The following HIVEP3 variants were observed in gnomAD, a reference collection of about 807,000 sequenced individuals.
HIVEP3 encodes HIVEP zinc finger 3.
Under a neutral mutation model 152.8 loss-of-function variants are expected in HIVEP3, and 49 were observed. The ratio of observed to expected loss-of-function variants is 0.32; its 90% confidence interval spans 0.26 to 0.41. The LOEUF (loss-of-function observed/expected upper bound fraction) is 0.41, where lower values mean the gene tolerates loss of function less well. Ranked by LOEUF, HIVEP3 falls within the 10% of genes least tolerant of loss-of-function variation. The pLI, the probability that HIVEP3 is intolerant of heterozygous loss-of-function variation, is 1.00. For missense variants in HIVEP3, 2,790 were observed against 3,103.3 expected, an observed-to-expected ratio of 0.90 and a Z score of 2.40; for synonymous variants, 1,269 against 1,289.0, an observed-to-expected ratio of 0.98 and a Z score of 0.33.
At chr1:41,721,311 G>A (rs1241052604) in intron 1 of HIVEP3, among the ~76,000 whole-genome samples, 1 of 151,936 alleles carries the variant, frequency 6.6e-6, no homozygotes, top group African/African-American at 2.4e-5. Flanking sequence ...AGGTTCAAGC[G>A]ATTCTCCTGT....
intron 2 of HIVEP3, among the ~76,000 whole-genome samples, chr1:41,636,210 G>A (rs1645270927): frequency 6.6e-6 from 1 of 152,190 alleles, no homozygotes. Flanking sequence ...GCAAATAGTG[G>A]CAGGTGTTAC....
intron 1 of HIVEP3, among the ~76,000 whole-genome samples, chr1:41,707,001 A>C (rs1646443555): frequency 6.6e-6 from 1 of 152,222 alleles, no homozygotes; most frequent in African/African-American, 2.4e-5. Context: ...TATCTAGCTG[A>C]CCAGTGAGTT....
intron 1 of HIVEP3, among the ~76,000 whole-genome samples, chr1:41,872,033 T>C (rs1460508291): frequency 2.6e-5 from 4 of 152,218 alleles, no homozygotes; most frequent in Admixed American, 6.5e-5. Flanking sequence ...CAAATGTATA[T>C]ACCCAAGTAA....
intron 1 of HIVEP3, among the ~76,000 whole-genome samples, chr1:41,749,045 G>T (rs1461217842): frequency 6.6e-6 from 1 of 152,144 alleles, no homozygotes; most frequent in Non-Finnish European, 1.5e-5. Flanking sequence ...ATATACACTT[G>T]TCTCTCTCTT....
intron 5 of HIVEP3, among the ~76,000 whole-genome samples, chr1:41,555,332 G>A (rs1259455654): frequency 2.0e-5 from 3 of 152,152 alleles, no homozygotes; most frequent in Non-Finnish European, 2.9e-5. Context: ...CTGGTGTGCC[G>A]TTTGCTAAGA....
intron 1 of HIVEP3, among the ~76,000 whole-genome samples, chr1:41,987,962 A>T (rs2124514464): frequency 6.6e-6 from 1 of 152,126 alleles, no homozygotes; most frequent in South Asian, 2.1e-4. Flanking sequence ...TGGGGGAACC[A>T]CCCCCATGAT....
intron 2 of HIVEP3, among the ~76,000 whole-genome samples, chr1:41,649,328 C>T (rs1219530743): frequency 1.3e-5 from 2 of 152,192 alleles, no homozygotes; most frequent in Non-Finnish European, 2.9e-5. Flanking sequence ...CCACCTTCTC[C>T]CACTGTCTGA....
chr1:41,576,045 C>G (rs969270377), intron 4 of HIVEP3, among the ~76,000 whole-genome samples: 1 of 152,230 alleles, frequency 6.6e-6, no homozygotes, highest in Admixed American at 6.5e-5. Flanking sequence ...GAACCCCATA[C>G]AGGGCCTGTC....
chr1:41,519,516 C>T (rs141552287), intron 6 of HIVEP3, among the ~76,000 whole-genome samples: 8 of 152,314 alleles, frequency 5.3e-5, no homozygotes, highest in East Asian at 1.9e-4. Flanking sequence ...ACTCCCAAAC[C>T]GTGATGTGCT....
rs757781477 is a variant in HIVEP3 at position 41,580,875 on chromosome 1, G to A, written c.3923C>T (p.Pro1308Leu). ...GGACACCATGGTGTCTGGACAGGCA[G>A]GCAGGGCCAGTGGAGGAGCTGATGT... is the stretch of plus-strand genomic sequence containing the variant. Reference protein sequence around the residue: ...APTSAPPLALPACPDTMVSLV... With the variant: ...APTSAPPLALLACPDTMVSLV... The change falls in exon 4 of 9, where the codon CCT becomes CTT. Residue 1308 changes from proline to leucine, a missense_variant. Around this residue, in one of 9 missense-constraint regions of HIVEP3, gnomAD observed 1,078 missense variants for 1,165.3 expected, o/e 0.93. Coordinates refer to ENST00000372583, the MANE Select transcript of HIVEP3 (RefSeq NM_024503.5). 8 of 1,608,298 alleles carry A rather than the reference G, an allele frequency of 5.0e-6. No individual in the cohort carries two copies. Among genetic ancestry groups the A allele is most frequent in the Non-Finnish European group, 6.8e-6 (8 of 1,177,552 alleles).
chr1:41,526,296 C>A (rs1409230076), intron 5 of HIVEP3, among the ~76,000 whole-genome samples: 2 of 149,482 alleles, frequency 1.3e-5, no homozygotes, highest in South Asian at 2.1e-4. Flanking sequence ...CTCACCCTCA[C>A]ACACACTCAC....
At chr1:41,517,620 C>G (rs1198166149) in intron 7 of HIVEP3, among the ~76,000 whole-genome samples, 1 of 152,224 alleles carries the variant, frequency 6.6e-6, no homozygotes, top group African/African-American at 2.4e-5. Context: ...ATGCTTCCTG[C>G]TTTGCTTGGT....
intron 5 of HIVEP3, among the ~76,000 whole-genome samples, chr1:41,531,393 A>G (rs1314124701): frequency 7.1e-6 from 1 of 141,658 alleles, no homozygotes; most frequent in African/African-American, 2.7e-5. Context: ...GATAGAGGAC[A>G]GGGGAGATGG....
chr1:41,782,163 T>G (rs1281373601), intron 1 of HIVEP3, among the ~76,000 whole-genome samples: 1 of 152,220 alleles, frequency 6.6e-6, no homozygotes. Context: ...CTACAACATG[T>G]GTGAATCTTG....
intron 1 of HIVEP3, among the ~76,000 whole-genome samples, chr1:41,969,568 T>G (rs1425403084): frequency 6.6e-6 from 1 of 152,058 alleles, no homozygotes; most frequent in Non-Finnish European, 1.5e-5. Flanking sequence ...CAAGACGAAT[T>G]AAACGCTTAC....
chr1:41,640,011 A>G (rs928936179), intron 2 of HIVEP3, among the ~76,000 whole-genome samples: 2 of 152,236 alleles, frequency 1.3e-5, no homozygotes, highest in Admixed American at 1.3e-4. Context: ...GGAGCAAAAA[A>G]GAAGAACTTC....
At chr1:41,978,666 T>A (rs935399133) in intron 1 of HIVEP3, among the ~76,000 whole-genome samples, 2 of 152,194 alleles carry the variant, frequency 1.3e-5, no homozygotes, top group Admixed American at 6.5e-5. Flanking sequence ...TCAACCTTCA[T>A]TCATTCACTC....
In HIVEP3 at chr1:41,662,313, G is replaced by T. The variant is rs1384468085; in HGVS notation, c.-720-33366C>A. On this transcript the variant is annotated intron_variant, in intron 2 of 8. Transcript: ENST00000372583. This position sits in a 1 kb window ranked among gnomAD's most constrained non-coding sequence, Gnocchi z 7.2. Reference sequence around the variant, plus strand: ...GCTGGCGGCCCACGCGGCGCGGGGTGGGCGCGGGGCGGGCTGGCGGGCGGG... The same window carrying T: ...GCTGGCGGCCCACGCGGCGCGGGGTTGGCGCGGGGCGGGCTGGCGGGCGGG... 1 of 145,864 alleles carries T rather than the reference G, an allele frequency of 6.9e-6. No individual in the cohort carries two copies. Among genetic ancestry groups the T allele is most frequent in the Non-Finnish European group, 1.5e-5 (1 of 65,676 alleles). The allele number at this position is 145,864 out of a possible 1,614,324, so 9.0% of individuals were successfully genotyped here.
At chr1:41,646,691 C>G (rs972848734) in intron 2 of HIVEP3, among the ~76,000 whole-genome samples, 2 of 152,212 alleles carry the variant, frequency 1.3e-5, no homozygotes, top group African/African-American at 4.8e-5. Flanking sequence ...CCAGGGCACT[C>G]CAAGGACCTC....
Sources: gnomAD v4.1 joint callset for allele counts (sites outside exome capture counted in the v4.1 genomes callset) on GRCh38, gnomAD v4.1.1 for gene constraint, gnomAD v4.1.1 regional missense constraint, Gnocchi (gnomAD v3.1) non-coding constraint, MANE v1.5 for transcripts, NCBI Gene and HGNC (gene_info 2026-07-23, HGNC 2026-07-21) for gene names.